The following NFATC1 variants were observed in gnomAD, a reference collection of about 807,000 sequenced individuals.
NFATC1 encodes nuclear factor of activated T-cells, cytoplasmic 1.
Under a neutral mutation model 76.0 loss-of-function variants are expected in NFATC1, and 22 were observed. That is an observed-to-expected ratio of 0.29 (90% confidence interval 0.21 to 0.41). The LOEUF (loss-of-function observed/expected upper bound fraction) is 0.41, where lower values mean the gene tolerates loss of function less well. Ranked by LOEUF, NFATC1 falls within the 10% of genes least tolerant of loss-of-function variation. The pLI is 1.00. For synonymous variants in NFATC1, 704 were observed against 613.1 expected, an observed-to-expected ratio of 1.15 and a Z score of -2.19; for missense variants, 1,357 against 1,337.7, an observed-to-expected ratio of 1.01 and a Z score of -0.23.
intron 8 of NFATC1, chr18:79,468,075 G>GATGAA: frequency 2.4e-6 from 2 of 826,568 alleles, no homozygotes; most frequent in Non-Finnish European, 2.9e-6. Context: ...CTTCTCCAGG[G>GATGAA]GTAACTTCAT....
In NFATC1 at chr18:79,410,911, C is replaced by T; in HGVS notation, c.636C>T (p.Pro212=). The T allele has an allele frequency of 6.2e-7, 1 of 1,607,650 alleles. No individual in the cohort carries two copies. Among genetic ancestry groups the T allele is most frequent in the Non-Finnish European group, 8.5e-7 (1 of 1,178,286 alleles). ...TSPWQSPCVS[P]KTTDPEEGFP... ...CATGGCAGTCTCCCTGCGTGTCTCCCAAGACCACGGACCCCGAGGAGGGCT... is the reference window on the plus strand; with the variant it reads ...CATGGCAGTCTCCCTGCGTGTCTCCTAAGACCACGGACCCCGAGGAGGGCT... The change falls in exon 2 of 10, where the codon CCC becomes CCT. Residue 212 remains proline (P), a synonymous_variant. Transcript: ENST00000427363. The surrounding 1 kb of genome is among the most constrained non-coding windows in gnomAD (Gnocchi z 6.7).
chr18:79,454,917 G>T (rs530271637), intron 6 of NFATC1, among the ~76,000 whole-genome samples: 1 of 149,490 alleles, frequency 6.7e-6, no homozygotes, highest in South Asian at 2.2e-4. Context: ...GCCTGTTAAA[G>T]ATCACTGTGT....
chr18:79,464,648 T>TTCTGTGTGTGTGTGTG (rs1555911903), intron 7 of NFATC1, among the ~76,000 whole-genome samples: 2 of 131,602 alleles, frequency 1.5e-5, no homozygotes. Context: ...ATATATGTGT[T>TTCTGTGTGTGTGTGTG]TGTGTGTGTG....
chr18:79,400,567 C>A, intron 1 of NFATC1: 1 of 1,198,430 alleles, frequency 8.3e-7, no homozygotes, highest in Non-Finnish European at 1.1e-6. Context: ...CGTCGCTCCC[C>A]GGGGACCCCA....
chr18:79,416,427 A>G (rs550796845), intron 2 of NFATC1, among the ~76,000 whole-genome samples: 31 of 152,244 alleles, frequency 2.0e-4, no homozygotes, highest in African/African-American at 7.5e-4. Flanking sequence ...GGCTTTTGAC[A>G]GCTCCCAGGT....
chr18:79,437,348 G>C (rs1456693025), intron 3 of NFATC1, among the ~76,000 whole-genome samples: 2 of 152,196 alleles, frequency 1.3e-5, no homozygotes, highest in Non-Finnish European at 2.9e-5. Flanking sequence ...CCTCCCAGAG[G>C]CTTCTGGCCA....
chr18:79,507,650 C>T (rs543163313), intron 9 of NFATC1, among the ~76,000 whole-genome samples: 3 of 152,376 alleles, frequency 2.0e-5, no homozygotes, highest in Non-Finnish European at 4.4e-5. Context: ...TGTGTGGGTT[C>T]CTGACGCACG....
At position 79,410,699 on chromosome 18, in the gene NFATC1, G is replaced by A; in HGVS notation, c.424G>A (p.Glu142Lys). The A allele has an allele frequency of 1.2e-6, 2 of 1,613,050 alleles. No individual in the cohort carries two copies. The highest frequency in any genetic ancestry group is 1.7e-6 in the Non-Finnish European group (2 of 1,180,012). Reference sequence around the variant, plus strand: ...CCAGTTTTTCCACGATGTGGAGGTGGAAGACGTCCTCCCTAGCTCCAAACG... The same window carrying A: ...CCAGTTTTTCCACGATGTGGAGGTGAAAGACGTCCTCCCTAGCTCCAAACG... ...NNQFFHDVEV[E>K]DVLPSSKRSP... Residue 142 changes from glutamate (E) to lysine (K), a missense_variant, in exon 2 of 10, where the codon GAA (glutamate) becomes AAA (lysine). Around this residue, in one of 3 missense-constraint regions of NFATC1, gnomAD observed 691 missense variants for 613.1 expected, o/e 1.13. Transcript: ENST00000427363. The surrounding 1 kb of genome is among the most constrained non-coding windows in gnomAD (Gnocchi z 6.7).
At chr18:79,516,645 T>C (rs866223566) in intron 9 of NFATC1, among the ~76,000 whole-genome samples, 6 of 152,278 alleles carry the variant, frequency 3.9e-5, no homozygotes, top group South Asian at 4.1e-4. Flanking sequence ...AGATATTTGC[T>C]TGTGAAGGAG....
In NFATC1 at chr18:79,529,320, T is replaced by G. The variant is rs1057277411; in HGVS notation, c.*1743T>G. On this transcript the variant is annotated 3_prime_UTR_variant, in exon 10 of 10. Transcript: ENST00000427363. ...ATCCAATAAAGCCGTATTTTTTTGC[T>G]GGACAGGCGTAGTCTGCGAGTGGTT... 6.6e-6 allele frequency: 1 copy of G among 152,270 alleles called. No homozygotes were observed. 9.4% of individuals were successfully genotyped at this position (152,270 alleles called of 1,614,324 possible).
At chr18:79,467,412 G>A (rs373793170) in intron 7 of NFATC1, 38 bp from the exon 8 acceptor site, 6 of 1,521,678 alleles carry the variant, frequency 3.9e-6, no homozygotes, top group Non-Finnish European at 4.4e-6. Context: ...TCGCCTGCCC[G>A]GTGCTGATTG....
At chr18:79,449,075 G>T in intron 4 of NFATC1, 91 bp downstream of exon 4, 1 of 1,267,008 alleles carries the variant, frequency 7.9e-7, no homozygotes, top group Non-Finnish European at 1.1e-6. Context: ...CCAGCCCCCC[G>T]CACTTCCAGG....
chr18:79,414,400 T>C (rs1038632399), intron 2 of NFATC1, among the ~76,000 whole-genome samples: 2 of 152,214 alleles, frequency 1.3e-5, no homozygotes, highest in African/African-American at 4.8e-5. Context: ...TGGTGGAAAG[T>C]GTGCTGTGTG....
chr18:79,423,454 A>G (rs1258810541), intron 2 of NFATC1, among the ~76,000 whole-genome samples: 2 of 152,066 alleles, frequency 1.3e-5, no homozygotes, highest in East Asian at 3.9e-4. Context: ...CGGACCCGGG[A>G]TCCACTTGCC....
chr18:79,433,431 A>G (rs540530997), intron 2 of NFATC1, 148 bp from the exon 3 acceptor site: 16 of 951,992 alleles, frequency 1.7e-5, no homozygotes, highest in South Asian at 2.9e-5. Context: ...TAAGCACTGC[A>G]TTGACACAGG....
intron 2 of NFATC1, among the ~76,000 whole-genome samples, chr18:79,430,465 C>T (rs916960992): frequency 6.6e-6 from 1 of 152,218 alleles, no homozygotes; most frequent in African/African-American, 2.4e-5. Flanking sequence ...TCACTGCAGC[C>T]TCCGCCTCCC....
intron 9 of NFATC1, among the ~76,000 whole-genome samples, chr18:79,508,343 C>T (rs1402940252): frequency 2.0e-5 from 3 of 152,116 alleles, no homozygotes; most frequent in African/African-American, 7.2e-5. Flanking sequence ...CCTGGCAGTT[C>T]GCTCGGCCTG....
chr18:79,467,324 G>A (rs889047235), intron 7 of NFATC1, 126 bp from the exon 8 acceptor site: 8 of 912,994 alleles, frequency 8.8e-6, no homozygotes, highest in East Asian at 5.2e-5. Context: ...CCGTGTGGCC[G>A]CCGTGGAAAC....
chr18:79,487,265 C>T (rs929166812), intron 9 of NFATC1, among the ~76,000 whole-genome samples: 13 of 152,192 alleles, frequency 8.5e-5, no homozygotes, highest in Non-Finnish European at 1.5e-4. Flanking sequence ...AATATGGAGC[C>T]GCACGGCTCA....
Sources: gnomAD v4.1 joint callset for allele counts (sites outside exome capture counted in the v4.1 genomes callset) on GRCh38, gnomAD v4.1.1 for gene constraint, gnomAD v4.1.1 regional missense constraint, Gnocchi (gnomAD v3.1) non-coding constraint, MANE v1.5 for transcripts, NCBI Gene and HGNC (gene_info 2026-07-23, HGNC 2026-07-21) for gene names.